ATR: variants seen among roughly 807,000 people sequenced by gnomAD.
ATR encodes serine/threonine-protein kinase ATR.
Under a neutral mutation model 305.3 loss-of-function variants are expected in ATR, and 142 were observed. The observed-to-expected ratio is 0.47, with a 90% CI of 0.41 to 0.53. The LOEUF is 0.53. Ranked by LOEUF, ATR falls within the 20% of genes least tolerant of loss-of-function variation. ATR has a pLI of 0.00. For synonymous variants in ATR, 1,050 were observed against 1,068.1 expected (o/e 0.98, Z 0.33); for missense variants, 2,135 against 3,133.1 (o/e 0.68, Z 7.60).
intron 36 of ATR, among the ~76,000 whole-genome samples, chr3:142,480,497 A>T (rs2030352785): frequency 6.6e-6 from 1 of 152,124 alleles, no homozygotes. Flanking sequence ...GTCTGCCCCT[A>T]CTGGGGGATG....
intron 1 of ATR, among the ~76,000 whole-genome samples, chr3:142,576,084 G>C (rs547278896): frequency 5.3e-5 from 8 of 152,298 alleles, no homozygotes; most frequent in African/African-American, 1.7e-4. Context: ...AATAGTTCAG[G>C]TAAGAAATTC....
intron 16 of ATR, among the ~76,000 whole-genome samples, chr3:142,544,944 G>C (rs2034210138): frequency 1.3e-5 from 2 of 152,150 alleles, no homozygotes; most frequent in Non-Finnish European, 2.9e-5. Context: ...GGCATGGTAA[G>C]CCACAATTCA....
intron 21 of ATR, among the ~76,000 whole-genome samples, chr3:142,533,061 G>C (rs1009067803): frequency 6.6e-6 from 1 of 152,020 alleles, no homozygotes; most frequent in African/African-American, 2.4e-5. Flanking sequence ...TACTCCCAGA[G>C]GCCCAGGCAA....
chr3:142,483,163 C>G (rs2030652076), intron 36 of ATR, among the ~76,000 whole-genome samples: 1 of 151,836 alleles, frequency 6.6e-6, no homozygotes, highest in African/African-American at 2.4e-5. Context: ...ACACCACCAC[C>G]CGTGGCTTAC....
At chr3:142,566,055 G>C (rs2108493477) in intron 3 of ATR, 66 bp downstream of exon 3, 1 of 1,597,306 alleles carries the variant, frequency 6.3e-7, no homozygotes, top group Non-Finnish European at 8.6e-7. Context: ...TAATATTTCA[G>C]AAGAGCAGTA....
Position 142,566,446 on chromosome 3 carries a change from C to T in ATR, c.152-185G>A, listed in dbSNP as rs545504710. 3.3e-5 allele frequency among the ~76,000 whole-genome samples: 5 copies of T among 151,966 alleles called. No homozygotes were observed. In the South Asian group the frequency reaches 8.3e-4, roughly 25 times the overall value. ...CCAGCCTGGATAAGATGTCAAGATC[C>T]CGTCTCTACAAAAAAAATTTTTCTT... is the stretch of plus-strand genomic sequence containing the variant. On this transcript the variant is annotated intron_variant, in intron 2 of 46. Coordinates refer to ENST00000350721, the MANE Select transcript of ATR (RefSeq NM_001184.4).
Position 142,459,232 on chromosome 3 carries a change from T to C in ATR, c.7344A>G (p.Thr2448=). The C allele has an allele frequency of 2.5e-6, 4 of 1,614,024 alleles. No homozygotes were observed. In the Admixed American group the frequency reaches 5.0e-5, roughly 20 times the overall value. Residue 2448 remains threonine, a synonymous_variant, in exon 43 of 47, where the codon ACA becomes ACG. Transcript: ENST00000350721. ...TTATATTCTTGGTAACTTACCATGATGTAGGATCAGGGAATGTTCTCAGAA... is the reference window on the plus strand; with the variant it reads ...TTATATTCTTGGTAACTTACCATGACGTAGGATCAGGGAATGTTCTCAGAA... ...EWFLRTFPDP[T]SWYSSRSAYC... is the part of the protein sequence containing the mutation.
intron 36 of ATR, among the ~76,000 whole-genome samples, chr3:142,475,542 G>A (rs565232454): frequency 5.9e-5 from 9 of 152,124 alleles, no homozygotes; most frequent in Non-Finnish European, 1.2e-4. Context: ...ATTGTGAATA[G>A]TGCCGCAATA....
chr3:142,526,026 C>A (rs1045568605), intron 21 of ATR, among the ~76,000 whole-genome samples: 1 of 152,062 alleles, frequency 6.6e-6, no homozygotes, highest in Non-Finnish European at 1.5e-5. Context: ...AAATCTATTA[C>A]CCTTTTGTGT....
chr3:142,475,253 C>A (rs1220693451), intron 36 of ATR, among the ~76,000 whole-genome samples: 1 of 152,162 alleles, frequency 6.6e-6, no homozygotes, highest in Non-Finnish European at 1.5e-5. Flanking sequence ...CCCCCAGCCC[C>A]TCACCCCACA....
intron 24 of ATR, among the ~76,000 whole-genome samples, chr3:142,517,427 T>C (rs1030314835): frequency 6.6e-6 from 1 of 151,896 alleles, no homozygotes; most frequent in African/African-American, 2.4e-5. Flanking sequence ...AGAAATTCCA[T>C]ATTTCCCTAG....
At chr3:142,454,829 TAAAAGTC>T (rs1389977161) in intron 45 of ATR, among the ~76,000 whole-genome samples, 2 of 152,190 alleles carry the variant, frequency 1.3e-5, no homozygotes, top group Non-Finnish European at 2.9e-5. Context: ...ACATCATACT[TAAAAGTC>T]AAAGACTGAC....
chr3:142,558,569 G>C, intron 8 of ATR, 55 bp downstream of exon 8: 1 of 1,378,238 alleles, frequency 7.3e-7, no homozygotes, highest in South Asian at 1.4e-5. Flanking sequence ...TAGATAGATA[G>C]ATAGATAGAT....
chr3:142,548,218 T>G (rs2034343438), intron 15 of ATR, among the ~76,000 whole-genome samples: 1 of 152,196 alleles, frequency 6.6e-6, no homozygotes, highest in Admixed American at 6.5e-5. Context: ...CACACAACCC[T>G]GGGAGGAAAT....
At chr3:142,468,947 C>T (rs2071192278) in intron 38 of ATR, among the ~76,000 whole-genome samples, 1 of 152,112 alleles carries the variant, frequency 6.6e-6, no homozygotes, top group Admixed American at 6.5e-5. Flanking sequence ...GCTATGATCC[C>T]ACCACTGCAT....
intron 30 of ATR, among the ~76,000 whole-genome samples, chr3:142,500,445 C>CT (rs970783476): frequency 3.9e-5 from 6 of 152,054 alleles, no homozygotes; most frequent in Admixed American, 3.9e-4. Context: ...CCTCATGTTT[C>CT]TTTTTTATTA....
chr3:142,566,365 C>G lies in ATR; in HGVS notation c.152-104G>C, dbSNP rs2035072071. On this transcript the variant is annotated intron_variant, in intron 2 of 46. Coordinates refer to ENST00000350721, the MANE Select transcript of ATR (RefSeq NM_001184.4). ...CAGGCAAGGTGCCTCACTCCTGTAA[C>G]CCCTGTACTTTGGGAGGCTGAAGTG... 7 of 1,291,424 alleles carry G rather than the reference C, an allele frequency of 5.4e-6. No homozygotes were observed. In the South Asian group the frequency reaches 8.7e-5, roughly 16 times the overall value. The allele number at this position is 1,291,424 out of a possible 1,614,324, so 80.0% of individuals were successfully genotyped here. A position where few individuals can be genotyped will look rare whatever the true frequency, so the allele number is the denominator to read the frequency against.
intron 36 of ATR, 32 bp from the exon 37 acceptor site, chr3:142,470,215 C>G (rs1424335901): frequency 1.4e-6 from 2 of 1,475,844 alleles, no homozygotes; most frequent in Admixed American, 3.5e-5. Context: ...ACACTATTAG[C>G]ATAGCTGTCA....
intron 36 of ATR, among the ~76,000 whole-genome samples, chr3:142,477,149 G>C (rs370702132): frequency 2.0e-5 from 3 of 152,180 alleles, no homozygotes; most frequent in Non-Finnish European, 4.4e-5. Context: ...GGAGTGGTGA[G>C]AGAGGGCATC....
Sources: gnomAD v4.1 joint callset for allele counts (sites outside exome capture counted in the v4.1 genomes callset) on GRCh38, gnomAD v4.1.1 for gene constraint, MANE v1.5 for transcripts, NCBI Gene and HGNC (gene_info 2026-07-23, HGNC 2026-07-21) for gene names.